JAML: variants seen among roughly 807,000 people sequenced by gnomAD.
JAML encodes junctional adhesion molecule-like.
Under a neutral mutation model 39.3 loss-of-function variants are expected in JAML, and 25 were observed. The observed-to-expected ratio is 0.64, with a 90% confidence interval of 0.46 to 0.89. The LOEUF (loss-of-function observed/expected upper bound fraction) is 0.89. Among genes scored for constraint, JAML ranks in the 40% least tolerant of loss-of-function variants. JAML has a pLI of 0.00. For synonymous variants in JAML, 162 were observed against 179.2 expected (o/e 0.90, Z 0.77); for missense variants, 440 against 486.9 (o/e 0.90, Z 0.91).
intron 4 of JAML, among the ~76,000 whole-genome samples, chr11:118,207,300 C>G (rs1259543856): frequency 1.3e-5 from 2 of 152,160 alleles, no homozygotes; most frequent in Non-Finnish European, 2.9e-5. Context: ...ATTAGTTAGT[C>G]ATTACAATAT....
At chr11:118,204,034 T>G in intron 5 of JAML, 1 of 242,624 alleles carries the variant, frequency 4.1e-6, no homozygotes, top group Non-Finnish European at 8.3e-6. Flanking sequence ...CTCTTCATCT[T>G]TCCCCCAAAC....
At chr11:118,197,844 T>C (rs975270814) in intron 8 of JAML, 154 bp downstream of exon 8, 1 of 681,882 alleles carries the variant, frequency 1.5e-6, no homozygotes, top group East Asian at 2.7e-5. Context: ...GCAGAGGCTC[T>C]TACTTTAGTG....
At chr11:118,224,621 C>T (rs1591485202) in intron 1 of JAML, among the ~76,000 whole-genome samples, 2 of 152,154 alleles carry the variant, frequency 1.3e-5, no homozygotes, top group South Asian at 2.1e-4. Flanking sequence ...AGCTCAAGAA[C>T]AGCCAGTCAC....
intron 1 of JAML, among the ~76,000 whole-genome samples, 180 bp from the exon 2 acceptor site, chr11:118,215,066 A>G (rs1949122361): frequency 6.6e-6 from 1 of 152,208 alleles, no homozygotes; most frequent in South Asian, 2.1e-4. Context: ...GGAGGTGGAG[A>G]AAAAAGAAGC....
chr11:118,207,305 C>T (rs1948937988), intron 4 of JAML, among the ~76,000 whole-genome samples: 1 of 152,090 alleles, frequency 6.6e-6, no homozygotes, highest in Admixed American at 6.5e-5. Context: ...TTAGTCATTA[C>T]AATATTTTGA....
At chr11:118,214,551 A>AG (rs1949115519) in intron 2 of JAML, among the ~76,000 whole-genome samples, 1 of 152,174 alleles carries the variant, frequency 6.6e-6, no homozygotes, top group South Asian at 2.1e-4. Context: ...CCACAGAGAA[A>AG]CTTTCCCTTT....
intron 5 of JAML, chr11:118,204,381 C>A (rs995438078): frequency 1.3e-5 from 2 of 152,616 alleles, no homozygotes; most frequent in African/African-American, 2.4e-5. Context: ...TGCTCAAAAC[C>A]CTTCATGGCC....
intron 1 of JAML, among the ~76,000 whole-genome samples, chr11:118,223,373 G>A (rs867147894): frequency 1.3e-5 from 2 of 152,036 alleles, no homozygotes; most frequent in South Asian, 4.1e-4. Context: ...GTTTGTGGAC[G>A]TTTTACCTTA....
intron 4 of JAML, among the ~76,000 whole-genome samples, chr11:118,206,693 C>T (rs1948923187): frequency 6.6e-6 from 1 of 152,190 alleles, no homozygotes; most frequent in African/African-American, 2.4e-5. Flanking sequence ...CCTGCCCCCA[C>T]CCTCCCGACT....
chr11:118,208,509 C>T (rs1402949136), intron 4 of JAML, among the ~76,000 whole-genome samples: 2 of 152,188 alleles, frequency 1.3e-5, no homozygotes, highest in Non-Finnish European at 2.9e-5. Context: ...AGGGAAGACA[C>T]AAGTGAATAG....
chr11:118,207,922 A>G (rs1319749342), intron 4 of JAML, among the ~76,000 whole-genome samples: 2 of 152,210 alleles, frequency 1.3e-5, no homozygotes, highest in Non-Finnish European at 2.9e-5. Context: ...GTGTTCAGGC[A>G]TGGCATTAGA....
chr11:118,200,853 T>C, intron 6 of JAML: 1 of 404,144 alleles, frequency 2.5e-6, no homozygotes. Flanking sequence ...AGTTCACCTC[T>C]AGTAAAGTTT....
intron 1 of JAML, among the ~76,000 whole-genome samples, chr11:118,216,668 G>A (rs368908398): frequency 6.6e-6 from 1 of 152,320 alleles, no homozygotes; most frequent in African/African-American, 2.4e-5. Context: ...CTTTAGGGGA[G>A]ATTTCAGGTT....
At chr11:118,200,706 A>G (rs1948773666) in intron 6 of JAML, 94 bp from the exon 7 acceptor site, 1 of 1,475,588 alleles carries the variant, frequency 6.8e-7, no homozygotes, top group Non-Finnish European at 9.3e-7. Flanking sequence ...CAGCCAGGCC[A>G]CGAAGCGGAG....
chr11:118,217,780 C>T (rs1949162619), intron 1 of JAML, among the ~76,000 whole-genome samples: 2 of 152,160 alleles, frequency 1.3e-5, no homozygotes, highest in African/African-American at 2.4e-5. Context: ...ATGTGACTTG[C>T]CTAAGAACAC....
intron 7 of JAML, among the ~76,000 whole-genome samples, chr11:118,198,912 C>T (rs904435442): frequency 6.6e-6 from 1 of 152,224 alleles, no homozygotes; most frequent in Non-Finnish European, 1.5e-5. Context: ...CATTTTACAA[C>T]TGTCCTTCCA....
intron 7 of JAML, among the ~76,000 whole-genome samples, chr11:118,198,469 G>A: frequency 6.6e-6 from 1 of 152,038 alleles, no homozygotes; most frequent in East Asian, 1.9e-4. Flanking sequence ...AACCAGCAGG[G>A]GGCAGCAGGA....
At chr11:118,202,949 C>T (rs2134651985) in intron 6 of JAML, 1 of 456,682 alleles carries the variant, frequency 2.2e-6, no homozygotes, top group African/African-American at 2.0e-5. Context: ...TCCAGAACCT[C>T]TGATCAGAAA....
chr11:118,212,608 T>C (rs965644252), intron 2 of JAML, 47 bp from the exon 3 acceptor site: 2 of 1,599,186 alleles, frequency 1.3e-6, no homozygotes, highest in Non-Finnish European at 1.7e-6. Flanking sequence ...ACAAATACTC[T>C]CAACAACAAA....
Sources: gnomAD v4.1 joint callset for allele counts (sites outside exome capture counted in the v4.1 genomes callset) on GRCh38, gnomAD v4.1.1 for gene constraint, MANE v1.5 for transcripts, NCBI Gene and HGNC (gene_info 2026-07-23, HGNC 2026-07-21) for gene names.